The following GLI3 variants were observed in gnomAD, a reference collection of about 807,000 sequenced individuals.
GLI3 encodes transcription activator GLI3.
GLI3 carries 20 observed loss-of-function variants against 100.8 expected under a neutral mutation model. The ratio of observed to expected loss-of-function variants is 0.20; its 90% CI spans 0.14 to 0.29. The LOEUF is 0.29. GLI3 is among the 10% of genes least tolerant of loss of function. The pLI, the probability that GLI3 is intolerant of heterozygous loss-of-function variation, is 1.00. For missense variants in GLI3, 2,040 were observed against 2,128.5 expected (o/e 0.96, Z 0.82); for synonymous variants, 938 against 860.5 (o/e 1.09, Z -1.58).
At chr7:42,147,018 AC>A (rs903031507) in intron 3 of GLI3, among the ~76,000 whole-genome samples, 1 of 151,792 alleles carries the variant, frequency 6.6e-6, no homozygotes, top group Admixed American at 6.6e-5. Context: ...CCAGAAAACT[AC>A]CCTCCGTGCT....
chr7:42,100,673 C>T (rs1422294191), intron 3 of GLI3, among the ~76,000 whole-genome samples: 1 of 151,664 alleles, frequency 6.6e-6, no homozygotes. Flanking sequence ...AGCCAGGGGG[C>T]GAAGGTTTCA....
intron 10 of GLI3, among the ~76,000 whole-genome samples, chr7:41,981,757 C>T (rs1227380126): frequency 2.0e-5 from 3 of 152,174 alleles, no homozygotes; most frequent in African/African-American, 2.4e-5. Flanking sequence ...TCCAAAGTGA[C>T]GGGGAAGGTA....
intron 10 of GLI3, among the ~76,000 whole-genome samples, chr7:42,001,220 G>A (rs552128628): frequency 5.3e-4 from 71 of 132,732 alleles, no homozygotes; most frequent in Non-Finnish European, 9.6e-4. Context: ...CTGGGCGACA[G>A]TGTGAGACTA....
intron 3 of GLI3, among the ~76,000 whole-genome samples, chr7:42,132,262 G>A (rs12701946): frequency 0.34 from 51,190 of 149,752 alleles, 11,390 homozygotes; most frequent in African/African-American, 0.64. Context: ...CACTACGCCC[G>A]GCTAATTTTT....
chr7:42,120,249 G>A (rs1307757026), intron 3 of GLI3, among the ~76,000 whole-genome samples: 1 of 152,190 alleles, frequency 6.6e-6, no homozygotes, highest in Non-Finnish European at 1.5e-5. Flanking sequence ...TGCACAGTTA[G>A]TTCTTTGTTT....
chr7:42,044,513 A>G (rs1784205436), intron 6 of GLI3, among the ~76,000 whole-genome samples: 1 of 152,242 alleles, frequency 6.6e-6, no homozygotes, highest in African/African-American at 2.4e-5. Flanking sequence ...AATAAGTGAT[A>G]CAACATGCAT....
At position 41,968,751 on chromosome 7, in the gene GLI3, A is replaced by AAG. The variant is rs1787283032; in HGVS notation, c.2104-829_2104-828insCT. Among the ~76,000 whole-genome samples the AAG allele has an allele frequency of 3.7e-3, 375 of 102,556 alleles. 6 individuals are homozygous for AAG. Among genetic ancestry groups the AAG allele is most frequent in the Admixed American group, 0.027 (277 of 10,188 alleles). 67.3% of individuals were successfully genotyped at this position (102,556 alleles called of 152,430 possible). A position where few individuals can be genotyped will look rare whatever the true frequency, so the allele number is the denominator to read the frequency against. On this transcript the variant is annotated intron_variant, in intron 13 of 14. Transcript: ENST00000395925. The stretch of plus-strand genomic sequence containing the variant: ...AAGAAAGAAAGAAAGAAAGAAAGAA[A>AAG]GAAAGAAAGAAGGAAAGAAAGAAAG...
At chr7:41,969,997 T>C (rs1195041412) in intron 13 of GLI3, among the ~76,000 whole-genome samples, 1 of 152,220 alleles carries the variant, frequency 6.6e-6, no homozygotes, top group Non-Finnish European at 1.5e-5. Context: ...ATGCTGAATG[T>C]TGAAAACACA....
In GLI3 at chr7:42,110,719, T is replaced by A. The variant is rs145578839; in HGVS notation, c.368-33862A>T. Among the ~76,000 whole-genome samples the A allele has an allele frequency of 6.1e-3, 925 of 152,348 alleles. 7 individuals are homozygous for A. The highest frequency in any genetic ancestry group is 0.029 in the South Asian group (139 of 4,826). The stretch of plus-strand genomic sequence containing the variant: ...TTATTTTTAATTAAAGTAGAGCACA[T>A]ACTAACTTTAAATGATAGAGGGAAA... On this transcript the variant is annotated intron_variant, in intron 3 of 14. Coordinates refer to ENST00000395925, the MANE Select transcript of GLI3 (RefSeq NM_000168.6).
At chr7:42,152,324 C>T (rs1786891795) in intron 2 of GLI3, 29 of 821,490 alleles carry the variant, frequency 3.5e-5, no homozygotes, top group Non-Finnish European at 4.3e-5. Flanking sequence ...CTAGAAGATG[C>T]GGAGTATAAG....
At chr7:42,260,933 G>A (rs184474851) in intron 1 of GLI3, among the ~76,000 whole-genome samples, 138 of 152,250 alleles carry the variant, frequency 9.1e-4, no homozygotes, top group Non-Finnish European at 1.4e-3. Flanking sequence ...CAATCCATAC[G>A]TTCAGGCAAC....
intron 4 of GLI3, among the ~76,000 whole-genome samples, chr7:42,051,402 T>TGACAAG (rs1784348883): frequency 6.6e-6 from 1 of 152,200 alleles, no homozygotes; most frequent in Non-Finnish European, 1.5e-5. Context: ...GTACTGAGCC[T>TGACAAG]AGTATATACT....
intron 10 of GLI3, among the ~76,000 whole-genome samples, chr7:42,002,446 T>G (rs931745067): frequency 5.3e-5 from 8 of 152,244 alleles, no homozygotes; most frequent in Non-Finnish European, 5.9e-5. Context: ...GGAATATGGC[T>G]AGAACCATAA....
intron 2 of GLI3, among the ~76,000 whole-genome samples, chr7:42,175,688 ACT>A (rs1554336450): frequency 7.1e-6 from 1 of 140,336 alleles, no homozygotes; most frequent in South Asian, 2.4e-4. Flanking sequence ...TTTTAAACAA[ACT>A]TATATAAAAA....
intron 1 of GLI3, among the ~76,000 whole-genome samples, chr7:42,262,496 G>A (rs935289247): frequency 5.9e-5 from 9 of 152,108 alleles, no homozygotes; most frequent in Admixed American, 4.6e-4. Context: ...CTGGGCTCAA[G>A]CCATCCTCCT....
intron 2 of GLI3, among the ~76,000 whole-genome samples, chr7:42,153,233 G>A (rs138751100): frequency 1.3e-5 from 2 of 152,276 alleles, no homozygotes; most frequent in African/African-American, 4.8e-5. Flanking sequence ...GATTTGAAAA[G>A]AAGGTAATTG....
intron 10 of GLI3, among the ~76,000 whole-genome samples, chr7:41,980,354 C>CGTCTGCTTCTAGTAA (rs1440557942): frequency 2.6e-5 from 4 of 152,186 alleles, no homozygotes; most frequent in Non-Finnish European, 5.9e-5. Flanking sequence ...TCAATCCGCA[C>CGTCTGCTTCTAGTAA]GTCTGCTTCT....
At chr7:42,184,530 A>C (rs1388808984) in intron 2 of GLI3, among the ~76,000 whole-genome samples, 1 of 152,152 alleles carries the variant, frequency 6.6e-6, no homozygotes, top group Admixed American at 6.5e-5. Context: ...TTCCTTCAAC[A>C]CTCCCTTCAG....
intron 4 of GLI3, among the ~76,000 whole-genome samples, chr7:42,062,172 C>G (rs1354100074): frequency 6.6e-6 from 1 of 152,126 alleles, no homozygotes; most frequent in Middle Eastern, 3.2e-3. Flanking sequence ...TAGATGATCT[C>G]CATTCTACTC....
Sources: gnomAD v4.1 joint callset for allele counts (sites outside exome capture counted in the v4.1 genomes callset) on GRCh38, gnomAD v4.1.1 for gene constraint, MANE v1.5 for transcripts, NCBI Gene and HGNC (gene_info 2026-07-23, HGNC 2026-07-21) for gene names.